Variants in SVEP1 observed in about 807,000 individuals in gnomAD.
SVEP1 encodes sushi, von Willebrand factor type A, EGF and pentraxin domain containing 1.
SVEP1 carries 164 observed loss-of-function variants against 367.3 expected under a neutral mutation model. The observed-to-expected ratio is 0.45, with a 90% CI of 0.39 to 0.51. The LOEUF is 0.51. SVEP1 is among the 20% of genes least tolerant of loss of function. SVEP1 has a pLI of 0.00. For missense variants in SVEP1, 4,117 were observed against 4,425.3 expected, an observed-to-expected ratio of 0.93 and a Z score of 1.98; for synonymous variants, 1,666 against 1,611.6, an observed-to-expected ratio of 1.03 and a Z score of -0.81.
At chr9:110,425,437 CAGAA>C (rs978839873) in intron 36 of SVEP1, among the ~76,000 whole-genome samples, 1 of 152,150 alleles carries the variant, frequency 6.6e-6, no homozygotes, top group Admixed American at 6.5e-5. Flanking sequence ...TTTTCAATGA[CAGAA>C]AAAGTTTCCA....
rs545340790 is a variant in SVEP1, at chr9:110,505,120, G to A, written c.1304-1903C>T. Reference sequence around the variant, plus strand: ...GTTATCCAGAGAAACCTGCATTTCCGCGGTTCTGCCACCTTTGAGTCTCTG... The same window carrying A: ...GTTATCCAGAGAAACCTGCATTTCCACGGTTCTGCCACCTTTGAGTCTCTG... On this transcript the variant is annotated intron_variant, in intron 5 of 47. Coordinates refer to ENST00000374469, the MANE Select transcript of SVEP1 (RefSeq NM_153366.4). Among the ~76,000 whole-genome samples the A allele has an allele frequency of 2.0e-5, 3 of 152,218 alleles. No individual in the cohort carries two copies. In the East Asian group the frequency reaches 5.8e-4, roughly 29 times the overall value.
intron 47 of SVEP1, 114 bp from the exon 48 acceptor site, chr9:110,366,674 C>A: frequency 2.9e-6 from 3 of 1,034,466 alleles, no homozygotes; most frequent in Non-Finnish European, 4.1e-6. Context: ...GATACCTGGG[C>A]ATTATCTGTG....
intron 3 of SVEP1, among the ~76,000 whole-genome samples, chr9:110,523,604 A>G (rs1329420941): frequency 6.6e-6 from 1 of 152,184 alleles, no homozygotes; most frequent in East Asian, 1.9e-4. Context: ...ACAAGAAATC[A>G]CTTAAACATA....
In SVEP1 at chr9:110,435,998, T is replaced by C. The variant is rs199884775; in HGVS notation, c.4764+382A>G. 1.7e-3 allele frequency among the ~76,000 whole-genome samples: 261 copies of C among 152,176 alleles called. 2 individuals carry two copies. Among genetic ancestry groups the C allele is most frequent in the African/African-American group, 5.9e-3 (246 of 41,498 alleles). On this transcript the variant is annotated intron_variant, in intron 28 of 47. Transcript: ENST00000374469. ...TGGTTTTAGCCACTAGGTCGTATGT[T>C]GCTCTCTATGGATGATCTCGTGCCA...
chr9:110,509,337 C>T (rs976693373), intron 5 of SVEP1, among the ~76,000 whole-genome samples: 1 of 152,202 alleles, frequency 6.6e-6, no homozygotes, highest in African/African-American at 2.4e-5. Context: ...ACTAAATACA[C>T]TGAGCATTAG....
At chr9:110,491,381 T>C (rs1017661056) in intron 8 of SVEP1, among the ~76,000 whole-genome samples, 2 of 152,016 alleles carry the variant, frequency 1.3e-5, no homozygotes, top group Admixed American at 6.6e-5. Context: ...CATTTTGTTT[T>C]TTAATCTACA....
intron 36 of SVEP1, among the ~76,000 whole-genome samples, chr9:110,427,362 A>T (rs934424323): frequency 6.6e-6 from 1 of 151,868 alleles, no homozygotes; most frequent in Non-Finnish European, 1.5e-5. Flanking sequence ...GCATTGCCCA[A>T]TGTCCATTAT....
chr9:110,413,222 T>G (rs1828070292), intron 36 of SVEP1, among the ~76,000 whole-genome samples: 5 of 142,894 alleles, frequency 3.5e-5, no homozygotes, highest in Admixed American at 1.4e-4. Context: ...TAAAAAATGA[T>G]GAGTTCATGT....
intron 6 of SVEP1, 58 bp from the exon 7 acceptor site, chr9:110,499,296 G>A: frequency 6.7e-7 from 1 of 1,500,580 alleles, no homozygotes; most frequent in Non-Finnish European, 9.1e-7. Context: ...GAAATGCCAT[G>A]GATTCTTTTT....
At position 110,483,673 on chromosome 9, in the gene SVEP1, C is replaced by G. The variant is rs775328577; in HGVS notation, c.1951G>C (p.Asp651His). Residue 651 changes from aspartate (D) to histidine (H), a missense_variant, in exon 10 of 48, where the codon GAC (aspartate) becomes CAC (histidine). Around this residue, in one of 4 missense-constraint regions of SVEP1, gnomAD observed 2,174 missense variants for 2,494.3 expected, o/e 0.87. Transcript: ENST00000374469. ...ACGGGAGGTGGAGATCTGCACCAGTCTATGACAGGTGGTTCTGCATCTGAA... is the reference window on the plus strand; with the variant it reads ...ACGGGAGGTGGAGATCTGCACCAGTGTATGACAGGTGGTTCTGCATCTGAA... ...KVIDAEPPVI[D>H]WCRSPPPVQV... is the part of the protein sequence containing the mutation. 1 of 1,603,786 alleles carries G rather than the reference C, an allele frequency of 6.2e-7. No homozygotes were observed. Among genetic ancestry groups the G allele is most frequent in the Non-Finnish European group, 8.5e-7 (1 of 1,175,562 alleles).
chr9:110,502,741 TA>T (rs35269855), intron 6 of SVEP1, among the ~76,000 whole-genome samples: 9 of 151,806 alleles, frequency 5.9e-5, no homozygotes, highest in South Asian at 2.1e-4. Context: ...ATTTGCATTT[TA>T]AAAAAAAATC....
In SVEP1 at chr9:110,489,786, G is replaced by A. The variant is rs1346519691; in HGVS notation, c.1801-7C>T. The A allele has an allele frequency of 6.2e-7, 1 of 1,602,700 alleles. No individual in the cohort carries two copies. Among genetic ancestry groups the A allele is most frequent in the Admixed American group, 1.7e-5 (1 of 58,066 alleles). ...GATGAACGTGGACTGACACCTATTG[G>A]AGATACACAAATATTTTGAAAGTTA... On this transcript the variant is annotated splice_region_variant and splice_polypyrimidine_tract_variant and intron_variant, in intron 8 of 47. Transcript: ENST00000374469.
intron 22 of SVEP1, among the ~76,000 whole-genome samples, 200 bp from the exon 23 acceptor site, chr9:110,451,602 C>G (rs1321349681): frequency 6.6e-6 from 1 of 152,184 alleles, no homozygotes. Flanking sequence ...CTAACATATT[C>G]AGCATGCAAT....
chr9:110,366,677 T>A, intron 47 of SVEP1, 117 bp from the exon 48 acceptor site: 1 of 993,182 alleles, frequency 1.0e-6, no homozygotes, highest in Admixed American at 2.8e-5. Flanking sequence ...ACCTGGGCAT[T>A]ATCTGTGATG....
rs1037085011 is a variant in SVEP1 at position 110,446,846 on chromosome 9, TTATTA to T, written c.4261+49_4261+53del. 2.1e-5 allele frequency: 30 copies of T among 1,404,602 alleles called. No homozygotes were observed. In the African/African-American group the frequency reaches 3.9e-4, roughly 18 times the overall value. 87.0% of individuals were successfully genotyped at this position (1,404,602 alleles called of 1,614,324 possible). ...GGTGCAGGCAAAATTGGTATTATTG[TTATTA>T]TATTACTATTGTTAGTATTGTTATT... On this transcript the variant is annotated intron_variant, in intron 25 of 47. Transcript: ENST00000374469.
intron 34 of SVEP1, 129 bp from the exon 35 acceptor site, chr9:110,429,463 A>C: frequency 1.5e-6 from 1 of 661,566 alleles, no homozygotes; most frequent in Non-Finnish European, 2.3e-6. Flanking sequence ...TTCCTACTGA[A>C]ATAATGCTTT....
At position 110,569,049 on chromosome 9, in the gene SVEP1, T is replaced by C. The variant is rs7027293; in HGVS notation, c.531+9964A>G. Reference sequence around the variant, plus strand: ...TTGAGGCTGCAGTGAGACATGATCATGCCATTGCATTCCAGCCTGGGAGAC... The same window carrying C: ...TTGAGGCTGCAGTGAGACATGATCACGCCATTGCATTCCAGCCTGGGAGAC... On this transcript the variant is annotated intron_variant, in intron 1 of 47. Coordinates refer to ENST00000374469, the MANE Select transcript of SVEP1 (RefSeq NM_153366.4). 3.5e-3 allele frequency among the ~76,000 whole-genome samples: 538 copies of C among 152,202 alleles called. 9 individuals carry two copies. The highest frequency in any genetic ancestry group is 0.012 in the African/African-American group (513 of 41,524).
At chr9:110,476,440 C>T in intron 13 of SVEP1, 125 bp from the exon 14 acceptor site, 1 of 694,446 alleles carries the variant, frequency 1.4e-6, no homozygotes, top group Non-Finnish European at 2.5e-6. Context: ...CAGAGCTCTG[C>T]ACATTCCTCA....
rs973727851 is a variant in SVEP1, at chr9:110,377,206, C to T, written c.10504+65G>A. ...ACAGTACAACCATTTCCTGGTAACT[C>T]CCCTCAGGTGGGAGCATCCAGGCAA... is the stretch of plus-strand genomic sequence containing the variant. On this transcript the variant is annotated intron_variant, in intron 45 of 47. Coordinates refer to ENST00000374469, the MANE Select transcript of SVEP1 (RefSeq NM_153366.4). 6.1e-6 allele frequency: 9 copies of T among 1,464,096 alleles called. No homozygotes were observed. The African/African-American group carries it at 8.3e-5, about 14-fold the overall frequency. The allele number at this position is 1,464,096 out of a possible 1,614,324, so 90.7% of individuals were successfully genotyped here. A position where few individuals can be genotyped will look rare whatever the true frequency, so the allele number is the denominator to read the frequency against.
Sources: gnomAD v4.1 joint callset for allele counts (sites outside exome capture counted in the v4.1 genomes callset) on GRCh38, gnomAD v4.1.1 for gene constraint, gnomAD v4.1.1 regional missense constraint, MANE v1.5 for transcripts, NCBI Gene and HGNC (gene_info 2026-07-23, HGNC 2026-07-21) for gene names.